Variants in RAB11FIP3 observed in about 807,000 individuals in gnomAD.
RAB11FIP3 encodes RAB11 family interacting protein 3.
RAB11FIP3 carries 17 observed loss-of-function variants against 77.8 expected under a neutral mutation model. The ratio of observed to expected loss-of-function variants is 0.22; its 90% CI spans 0.15 to 0.33. The LOEUF is 0.33. RAB11FIP3 is among the 10% of genes least tolerant of loss of function. RAB11FIP3 has a pLI of 1.00. For synonymous variants in RAB11FIP3, 437 were observed against 448.2 expected, an observed-to-expected ratio of 0.98 and a Z score of 0.31; for missense variants, 1,005 against 1,011.2, an observed-to-expected ratio of 0.99 and a Z score of 0.08.
At chr16:436,375 G>A (rs1175680943) in intron 1 of RAB11FIP3, among the ~76,000 whole-genome samples, 2 of 152,168 alleles carry the variant, frequency 1.3e-5, no homozygotes, top group Non-Finnish European at 2.9e-5. Flanking sequence ...TGTGATCATG[G>A]TTCACTGCAG....
chr16:519,837 C>G lies in RAB11FIP3; in HGVS notation c.1806C>G (p.Asp602Glu), dbSNP rs748121157. ...EEQENKRRMG[D>E]RLSHERHQFQ... ...AGGAGAACAAGAGGAGAATGGGGGACAGGCTGAGTCACGAGAGGCACCAGT... is the reference window on the plus strand; with the variant it reads ...AGGAGAACAAGAGGAGAATGGGGGAGAGGCTGAGTCACGAGAGGCACCAGT... Residue 602 changes from aspartate to glutamate, a missense_variant, in exon 11 of 14, where the codon GAC (aspartate) becomes GAG (glutamate). Asp to Glu is a conservative substitution (Grantham distance 45). Coordinates refer to ENST00000262305, the MANE Select transcript of RAB11FIP3 (RefSeq NM_014700.4). The G allele has an allele frequency of 7.5e-6, 12 of 1,602,068 alleles. No homozygotes were observed. The highest frequency in any genetic ancestry group is 1.7e-5 in the Admixed American group (1 of 58,088).
Position 493,849 on chromosome 16 carries a change from C to T in RAB11FIP3, c.1266-2975C>T, listed in dbSNP as rs2030842655. Among the ~76,000 whole-genome samples, 2 of 147,656 alleles carry T rather than the reference C, an allele frequency of 1.4e-5. 1 individual carries two copies. The highest frequency in any genetic ancestry group is 4.6e-4 in the South Asian group (2 of 4,302). ...CCTCGTGATCCGCCCGCCTTGACCC[C>T]CCAAAGTGCTGGGATTACAGGCTGA... On this transcript the variant is annotated intron_variant, in intron 5 of 13. Coordinates refer to ENST00000262305, the MANE Select transcript of RAB11FIP3 (RefSeq NM_014700.4).
At chr16:502,787 C>G (rs2031604042) in intron 6 of RAB11FIP3, 2 of 574,632 alleles carry the variant, frequency 3.5e-6, no homozygotes, top group Non-Finnish European at 6.1e-6. Context: ...AGAGCACGGC[C>G]TGCTTTCTCC....
intron 4 of RAB11FIP3, among the ~76,000 whole-genome samples, chr16:486,186 G>A (rs1158169978): frequency 1.3e-5 from 2 of 152,194 alleles, no homozygotes; most frequent in African/African-American, 4.8e-5. Context: ...TTACAGGCGA[G>A]TATTTTCTCA....
intron 9 of RAB11FIP3, among the ~76,000 whole-genome samples, chr16:511,607 C>G (rs1415878263): frequency 9.5e-6 from 1 of 105,028 alleles, no homozygotes; most frequent in Non-Finnish European, 1.9e-5. Flanking sequence ...CCCGCCAACC[C>G]CAGAACCTGC....
In RAB11FIP3 at chr16:443,995, A is replaced by G. The variant is rs144515670; in HGVS notation, c.714+17275A>G. The stretch of plus-strand genomic sequence containing the variant: ...TTTCAGTTTGTATTTCCTGGAGTGT[A>G]TTTGAGCTGATGTTCCTCTGCATGT... On this transcript the variant is annotated intron_variant, in intron 1 of 13. Transcript: ENST00000262305. Among the ~76,000 whole-genome samples the G allele has an allele frequency of 9.1e-3, 1,389 of 152,278 alleles. 22 individuals are homozygous for G. The highest frequency in any genetic ancestry group is 0.032 in the African/African-American group (1,321 of 41,560).
intron 3 of RAB11FIP3, chr16:475,248 G>C: frequency 3.4e-6 from 3 of 894,870 alleles, no homozygotes; most frequent in Non-Finnish European, 4.6e-6. Context: ...GTCCGCTGGT[G>C]ATTTAGGGGA....
chr16:470,979 C>CTTTT (rs56315622), intron 2 of RAB11FIP3, among the ~76,000 whole-genome samples: 7 of 147,736 alleles, frequency 4.7e-5, no homozygotes, highest in East Asian at 2.0e-4. Flanking sequence ...ATGTCTTGCT[C>CTTTT]TTTTTTTTTT....
intron 1 of RAB11FIP3, among the ~76,000 whole-genome samples, chr16:435,444 G>T (rs1401872906): frequency 6.6e-6 from 1 of 152,118 alleles, no homozygotes; most frequent in Non-Finnish European, 1.5e-5. Flanking sequence ...TCATAAAAGT[G>T]GTAATTATAA....
intron 1 of RAB11FIP3, among the ~76,000 whole-genome samples, chr16:437,340 G>A (rs1475256780): frequency 6.6e-6 from 1 of 151,852 alleles, no homozygotes; most frequent in East Asian, 2.0e-4. Flanking sequence ...AGGCCGAGGC[G>A]GGCGGATCAC....
At chr16:449,789 T>C (rs996936148) in intron 1 of RAB11FIP3, among the ~76,000 whole-genome samples, 4 of 152,040 alleles carry the variant, frequency 2.6e-5, no homozygotes, top group Middle Eastern at 3.4e-3. Flanking sequence ...CTGTCTCTAC[T>C]AAAAATACAA....
chr16:490,155 T>C (rs1464383524), intron 5 of RAB11FIP3, among the ~76,000 whole-genome samples: 9 of 152,260 alleles, frequency 5.9e-5, no homozygotes, highest in Non-Finnish European at 1.2e-4. Flanking sequence ...CTACATTGTA[T>C]GTTTCACTTT....
chr16:458,057 G>A lies in RAB11FIP3; in HGVS notation c.715-3347G>A, dbSNP rs562254350. Among the ~76,000 whole-genome samples the A allele has an allele frequency of 2.6e-5, 4 of 152,382 alleles. No individual in the cohort carries two copies. The South Asian group carries it at 8.3e-4, about 32-fold the overall frequency. ...CCCCGGCCTCTTCCGTTGTGAAGGG[G>A]AAGCGGAAACTCAGTCTCTGGCTCA... On this transcript the variant is annotated intron_variant, in intron 1 of 13. Transcript: ENST00000262305.
In RAB11FIP3 at chr16:520,290, G is replaced by T; in HGVS notation, c.2016+13G>T. On this transcript the variant is annotated intron_variant, in intron 12 of 13. Transcript: ENST00000262305. Reference sequence around the variant, plus strand: ...CAGGCTGAAGCAGGTGGGCAGGCCTGGGCCTCCCTCCCTCACACTCCTGCA... The same window carrying T: ...CAGGCTGAAGCAGGTGGGCAGGCCTTGGCCTCCCTCCCTCACACTCCTGCA... 1 of 1,545,986 alleles carries T rather than the reference G, an allele frequency of 6.5e-7. No homozygotes were observed.
chr16:457,878 C>T (rs917777131), intron 1 of RAB11FIP3, among the ~76,000 whole-genome samples: 3 of 152,218 alleles, frequency 2.0e-5, no homozygotes, highest in African/African-American at 4.8e-5. Context: ...GCAAGACTCT[C>T]ACATTCTTAG....
chr16:439,227 A>C (rs2055183966), intron 1 of RAB11FIP3: 1 of 152,240 alleles, frequency 6.6e-6, no homozygotes, highest in African/African-American at 2.4e-5. Context: ...AAATTCTTTA[A>C]GTAGGTACAG....
At chr16:480,630 G>T (rs1227455829) in intron 3 of RAB11FIP3, among the ~76,000 whole-genome samples, 1 of 152,068 alleles carries the variant, frequency 6.6e-6, no homozygotes, top group Non-Finnish European at 1.5e-5. Context: ...CTCCCGAGTA[G>T]CTGGGACTAC....
intron 1 of RAB11FIP3, among the ~76,000 whole-genome samples, chr16:437,362 A>C (rs2055147235): frequency 6.6e-6 from 1 of 151,712 alleles, no homozygotes; most frequent in African/African-American, 2.4e-5. Flanking sequence ...TGAGGTCAGG[A>C]TTTCTAGACC....
intron 5 of RAB11FIP3, among the ~76,000 whole-genome samples, chr16:492,363 T>TCCAGAGCCCC (rs2030381714): frequency 6.6e-5 from 5 of 76,164 alleles, no homozygotes; most frequent in African/African-American, 1.9e-4. Flanking sequence ...AAGAGGGTCT[T>TCCAGAGCCCC]CCCGGGAGAC....
Sources: gnomAD v4.1 joint callset for allele counts (sites outside exome capture counted in the v4.1 genomes callset) on GRCh38, gnomAD v4.1.1 for gene constraint, MANE v1.5 for transcripts, NCBI Gene and HGNC (gene_info 2026-07-23, HGNC 2026-07-21) for gene names.